The following SLIT3 variants were observed in gnomAD, a reference collection of about 807,000 sequenced individuals.
SLIT3 encodes the protein slit guidance ligand 3.
A neutral mutation model predicts 184.0 loss-of-function variants in SLIT3; 68 were observed. The ratio of observed to expected loss-of-function variants is 0.37; its 90% CI spans 0.30 to 0.45. The LOEUF (loss-of-function observed/expected upper bound fraction) is 0.45, where lower values mean the gene tolerates loss of function less well. Ranked by LOEUF, SLIT3 falls within the 20% of genes least tolerant of loss-of-function variation. SLIT3 has a pLI of 1.00. For synonymous variants in SLIT3, 831 were observed against 828.6 expected (o/e 1.00, Z -0.05); for missense variants, 1,707 against 2,026.0 (o/e 0.84, Z 3.02).
intron 4 of SLIT3, among the ~76,000 whole-genome samples, chr5:168,911,485 A>G (rs1761252875): frequency 6.6e-6 from 1 of 152,240 alleles, no homozygotes; most frequent in Admixed American, 6.5e-5. Flanking sequence ...CACAGTATCT[A>G]AATTAAATGC....
chr5:169,243,283 C>T (rs1003189663), intron 3 of SLIT3, among the ~76,000 whole-genome samples: 4 of 152,064 alleles, frequency 2.6e-5, no homozygotes, highest in Non-Finnish European at 4.4e-5. Context: ...CAAAGGACCA[C>T]GTATTCATTT....
chr5:168,709,101 GTT>G (rs564920985), intron 25 of SLIT3, among the ~76,000 whole-genome samples: 9 of 126,938 alleles, frequency 7.1e-5, no homozygotes, highest in Admixed American at 1.6e-4. Flanking sequence ...TTTTCTGTTT[GTT>G]TTTTTTTTTT....
At chr5:168,975,258 C>T (rs550397492) in intron 4 of SLIT3, among the ~76,000 whole-genome samples, 15 of 152,304 alleles carry the variant, frequency 9.8e-5, no homozygotes, top group Admixed American at 3.9e-4. Flanking sequence ...CCTGCAGCCA[C>T]CGGGCTCTCC....
intron 4 of SLIT3, among the ~76,000 whole-genome samples, chr5:169,083,843 G>T (rs1759171268): frequency 5.9e-5 from 9 of 152,184 alleles, no homozygotes; most frequent in Admixed American, 5.9e-4. Context: ...CAATTAAAGA[G>T]GAAGCGCTCA....
At chr5:169,038,680 C>T (rs537915785) in intron 4 of SLIT3, among the ~76,000 whole-genome samples, 17 of 152,260 alleles carry the variant, frequency 1.1e-4, no homozygotes, top group Non-Finnish European at 1.6e-4. Flanking sequence ...ACTGAGGCTA[C>T]GCGATTTGCC....
At chr5:169,159,737 C>T (rs1762419562) in intron 4 of SLIT3, among the ~76,000 whole-genome samples, 1 of 152,122 alleles carries the variant, frequency 6.6e-6, no homozygotes, top group Non-Finnish European at 1.5e-5. Context: ...GATTGCACCA[C>T]TGCACTCCAG....
At chr5:169,240,762 T>C (rs1434593498) in intron 3 of SLIT3, among the ~76,000 whole-genome samples, 1 of 151,664 alleles carries the variant, frequency 6.6e-6, no homozygotes, top group Admixed American at 6.6e-5. Flanking sequence ...GTATCATCTT[T>C]CTGTTTGTTG....
At chr5:169,089,716 C>T (rs1759497236) in intron 4 of SLIT3, among the ~76,000 whole-genome samples, 1 of 152,234 alleles carries the variant, frequency 6.6e-6, no homozygotes, top group South Asian at 2.1e-4. Context: ...CCATCCTGGA[C>T]TGGAAGTCCC....
chr5:169,008,007 G>A (rs114002294), intron 4 of SLIT3, among the ~76,000 whole-genome samples: 219 of 152,218 alleles, frequency 1.4e-3, no homozygotes, highest in Middle Eastern at 3.4e-3. Flanking sequence ...CTGGAGAACC[G>A]GACACTTTCT....
At chr5:169,101,675 G>C (rs1387933327) in intron 4 of SLIT3, among the ~76,000 whole-genome samples, 1 of 152,176 alleles carries the variant, frequency 6.6e-6, no homozygotes, top group Admixed American at 6.5e-5. Flanking sequence ...TCAGTTTCAA[G>C]AAAAATGATC....
rs1383326974 is a variant in SLIT3, at chr5:168,708,094, A to C, written c.2726T>G (p.Val909Gly). The change falls in exon 26 of 36, where the codon GTG (valine) becomes GGG (glycine). Residue 909 changes from valine (V) to glycine (G), a missense_variant. Physicochemically the swap from Val to Gly is moderately radical, Grantham distance 109. Coordinates refer to ENST00000519560, the MANE Select transcript of SLIT3 (RefSeq NM_003062.4). ...GCATTTGGCCACAATGTTGATGTCC[A>C]CTGGCCCTGGGCAGCAAAACCAGAG... ...PTHRFQCKGP[V>G]DINIVAKCNA... is the part of the protein sequence containing the mutation. 1 of 1,614,040 alleles carries C rather than the reference A, an allele frequency of 6.2e-7. No individual in the cohort carries two copies. The highest frequency in any genetic ancestry group is 1.7e-5 in the Admixed American group (1 of 59,994).
chr5:168,946,746 C>T (rs1397585958), intron 4 of SLIT3, among the ~76,000 whole-genome samples: 1 of 152,172 alleles, frequency 6.6e-6, no homozygotes, highest in Non-Finnish European at 1.5e-5. Flanking sequence ...CCTAGCCCAG[C>T]CTTCATCCCT....
intron 4 of SLIT3, among the ~76,000 whole-genome samples, chr5:169,028,129 C>T (rs1400176527): frequency 6.6e-6 from 1 of 152,088 alleles, no homozygotes; most frequent in Non-Finnish European, 1.5e-5. Flanking sequence ...GCTTGGTTTT[C>T]TGAGTTTAAT....
intron 23 of SLIT3, among the ~76,000 whole-genome samples, chr5:168,716,416 C>T (rs1429843840): frequency 6.6e-6 from 1 of 152,112 alleles, no homozygotes; most frequent in Non-Finnish European, 1.5e-5. Flanking sequence ...TATACCACTT[C>T]ATAAGCTAGC....
intron 5 of SLIT3, among the ~76,000 whole-genome samples, chr5:168,872,440 A>C (rs1358734318): frequency 6.6e-6 from 1 of 152,194 alleles, no homozygotes; most frequent in African/African-American, 2.4e-5. Context: ...AGTGGTAACA[A>C]ACATACCACA....
intron 4 of SLIT3, among the ~76,000 whole-genome samples, chr5:169,148,190 TCA>T (rs1761994163): frequency 6.6e-6 from 1 of 152,182 alleles, no homozygotes; most frequent in African/African-American, 2.4e-5. Flanking sequence ...TCAGAATTGT[TCA>T]CGTTTGTTTT....
chr5:168,888,151 G>A (rs1005945664), intron 4 of SLIT3, among the ~76,000 whole-genome samples: 1 of 152,162 alleles, frequency 6.6e-6, no homozygotes, highest in African/African-American at 2.4e-5. Context: ...CAGTGAGGAT[G>A]GAAACCTAAT....
intron 8 of SLIT3, among the ~76,000 whole-genome samples, chr5:168,808,725 C>T (rs34938349): frequency 1.3e-5 from 2 of 152,132 alleles, no homozygotes; most frequent in Non-Finnish European, 2.9e-5. Flanking sequence ...ACATCTTTAC[C>T]TCCCCTGCTC....
At chr5:168,745,719 C>A (rs930005752) in intron 20 of SLIT3, among the ~76,000 whole-genome samples, 3 of 152,132 alleles carry the variant, frequency 2.0e-5, no homozygotes. Flanking sequence ...ACCTTGACTC[C>A]AATTTTAAAA....
Sources: allele counts gnomAD v4.1 joint callset (sites outside exome capture counted in the v4.1 genomes callset), GRCh38; gene constraint gnomAD v4.1.1; transcripts MANE v1.5; gene names NCBI Gene and HGNC (gene_info 2026-07-23, HGNC 2026-07-21).